The following CYP7B1 variants were observed in gnomAD, a reference collection of about 807,000 sequenced individuals.
CYP7B1 encodes cytochrome P450 family 7 subfamily B member 1.
In CYP7B1, 29 loss-of-function variants were observed where a neutral mutation model predicts 42.7. The observed-to-expected ratio is 0.68, with a 90% CI of 0.51 to 0.93. The LOEUF (loss-of-function observed/expected upper bound fraction) is 0.93, where lower values mean the gene tolerates loss of function less well. CYP7B1 is among the 40% of genes least tolerant of loss of function. CYP7B1 has a pLI of 0.00. For synonymous variants in CYP7B1, 235 were observed against 218.2 expected (o/e 1.08, Z -0.68); for missense variants, 655 against 600.5 (o/e 1.09, Z -0.95).
chr8:64,677,814 T>C (rs182178355), intron 1 of CYP7B1, among the ~76,000 whole-genome samples: 153 of 142,162 alleles, frequency 1.1e-3, no homozygotes, highest in African/African-American at 4.3e-3. Context: ...GTCATGTAGT[T>C]AGCATACTTT....
At chr8:64,647,357 A>G (rs1439553207) in intron 1 of CYP7B1, among the ~76,000 whole-genome samples, 1 of 152,200 alleles carries the variant, frequency 6.6e-6, no homozygotes, top group Admixed American at 6.5e-5. Flanking sequence ...ATGTGACACA[A>G]AGATATGAAG....
chr8:64,786,720 C>T (rs1364281272), intron 1 of CYP7B1, among the ~76,000 whole-genome samples: 4 of 152,312 alleles, frequency 2.6e-5, no homozygotes, highest in Admixed American at 2.6e-4. Flanking sequence ...TAGGCAATGC[C>T]CCAGGAGTGA....
chr8:64,740,346 A>G (rs1273053802), intron 1 of CYP7B1, among the ~76,000 whole-genome samples: 1 of 152,046 alleles, frequency 6.6e-6, no homozygotes, highest in African/African-American at 2.4e-5. Context: ...ACATCAGTCA[A>G]TAATATATAT....
intron 1 of CYP7B1, among the ~76,000 whole-genome samples, chr8:64,643,190 T>TACAC (rs569231274): frequency 0.084 from 7,016 of 83,424 alleles, 278 homozygotes; most frequent in East Asian, 0.2. Flanking sequence ...TACATATATA[T>TACAC]ATACACACAC....
intron 1 of CYP7B1, among the ~76,000 whole-genome samples, chr8:64,683,579 A>G (rs1480957151): frequency 6.6e-6 from 1 of 152,206 alleles, no homozygotes; most frequent in Non-Finnish European, 1.5e-5. Context: ...TAAAATAACT[A>G]AAAAGAGTGT....
intron 1 of CYP7B1, among the ~76,000 whole-genome samples, chr8:64,770,803 A>C (rs1804209547): frequency 1.3e-5 from 2 of 152,172 alleles, no homozygotes. Context: ...AAATCTATCC[A>C]GGGGAAATCT....
intron 1 of CYP7B1, among the ~76,000 whole-genome samples, chr8:64,659,401 G>A (rs769155906): frequency 2.7e-4 from 41 of 152,006 alleles, no homozygotes; most frequent in Admixed American, 1.9e-3. Context: ...AAAATAGGCC[G>A]TGCAGTATTC....
chr8:64,616,428 A>C, intron 2 of CYP7B1, 147 bp from the exon 3 acceptor site: 1 of 643,238 alleles, frequency 1.6e-6, no homozygotes, highest in Non-Finnish European at 2.7e-6. Flanking sequence ...TTTCATTCGA[A>C]GGTACACTAC....
At chr8:64,611,851 A>AC (rs1271966632) in intron 4 of CYP7B1, among the ~76,000 whole-genome samples, 3 of 152,130 alleles carry the variant, frequency 2.0e-5, no homozygotes, top group African/African-American at 7.2e-5. Context: ...GGTAAGGTAG[A>AC]CTTGAGCATG....
intron 1 of CYP7B1, among the ~76,000 whole-genome samples, chr8:64,628,949 C>T (rs1268499708): frequency 1.3e-5 from 2 of 152,056 alleles, no homozygotes; most frequent in East Asian, 1.9e-4. Flanking sequence ...CCATCGCTGC[C>T]GGGCACAGTG....
intron 1 of CYP7B1, among the ~76,000 whole-genome samples, chr8:64,786,806 CT>C (rs1804535271): frequency 1.3e-5 from 2 of 152,368 alleles, no homozygotes; most frequent in South Asian, 2.1e-4. Context: ...GGCTCCACCC[CT>C]GTAACACACT....
At chr8:64,656,568 C>A in intron 1 of CYP7B1, among the ~76,000 whole-genome samples, 1 of 152,180 alleles carries the variant, frequency 6.6e-6, no homozygotes, top group East Asian at 1.9e-4. Context: ...CAGGGAAGGC[C>A]TAGCTGCCAA....
chr8:64,648,660 G>A (rs560306236), intron 1 of CYP7B1, among the ~76,000 whole-genome samples: 55 of 152,228 alleles, frequency 3.6e-4, no homozygotes, highest in African/African-American at 1.3e-3. Flanking sequence ...CTGATAACTG[G>A]CAACTTTGTA....
intron 1 of CYP7B1, among the ~76,000 whole-genome samples, chr8:64,731,683 C>T (rs1165913756): frequency 6.6e-6 from 1 of 152,192 alleles, no homozygotes; most frequent in Non-Finnish European, 1.5e-5. Context: ...ATGTCGGAGA[C>T]CTTCACAGCA....
intron 5 of CYP7B1, among the ~76,000 whole-genome samples, chr8:64,598,875 G>GT: frequency 6.6e-6 from 1 of 152,330 alleles, no homozygotes; most frequent in South Asian, 2.1e-4. Context: ...AATGGCCACT[G>GT]TCTTTAGCTC....
rs527898791 is a variant in CYP7B1, at chr8:64,720,005, T to C, written c.122+78461A>G. Among the ~76,000 whole-genome samples the C allele has an allele frequency of 2.6e-5, 4 of 152,336 alleles. No individual in the cohort carries two copies. The East Asian group carries it at 7.7e-4, about 29-fold the overall frequency. On this transcript the variant is annotated intron_variant, in intron 1 of 5. Coordinates refer to ENST00000310193, the MANE Select transcript of CYP7B1 (RefSeq NM_004820.5). Reference sequence around the variant, plus strand: ...TTGAGCCTGATTGGAACATAGTATCTGTGAACCTCTTAATAATACTTCAGA... The same window carrying C: ...TTGAGCCTGATTGGAACATAGTATCCGTGAACCTCTTAATAATACTTCAGA...
At chr8:64,647,193 C>T (rs575493370) in intron 1 of CYP7B1, among the ~76,000 whole-genome samples, 2 of 152,192 alleles carry the variant, frequency 1.3e-5, no homozygotes, top group Admixed American at 1.3e-4. Context: ...AGAATACATA[C>T]AACATTTACC....
intron 1 of CYP7B1, among the ~76,000 whole-genome samples, chr8:64,715,744 A>G (rs1807145507): frequency 1.3e-5 from 2 of 152,204 alleles, no homozygotes; most frequent in African/African-American, 4.8e-5. Flanking sequence ...TAGAGAAAGG[A>G]GAAAGACCTC....
intron 1 of CYP7B1, among the ~76,000 whole-genome samples, chr8:64,637,612 T>C (rs547152817): frequency 1.4e-4 from 22 of 152,230 alleles, no homozygotes; most frequent in Non-Finnish European, 2.1e-4. Context: ...GAAATCATTA[T>C]AGTTTGCAAA....
Sources: allele counts gnomAD v4.1 joint callset (sites outside exome capture counted in the v4.1 genomes callset), GRCh38; gene constraint gnomAD v4.1.1; transcripts MANE v1.5; gene names NCBI Gene and HGNC (gene_info 2026-07-23, HGNC 2026-07-21).